The following SCD5 variants were observed in gnomAD, a reference collection of about 807,000 sequenced individuals.
SCD5 encodes the protein acyl-CoA-desaturase 4.
A neutral mutation model predicts 30.4 loss-of-function variants in SCD5; 20 were observed. The observed-to-expected ratio is 0.66, with a 90% CI of 0.46 to 0.96. SCD5 has a LOEUF of 0.96. Ranked by LOEUF, SCD5 falls within the 40% of genes least tolerant of loss-of-function variation. SCD5 has a pLI of 0.00. For missense variants in SCD5, 381 were observed against 443.3 expected (o/e 0.86, Z 1.26); for synonymous variants, 173 against 176.4 (o/e 0.98, Z 0.16).
At chr4:82,666,341 G>A (rs1159522495) in intron 3 of SCD5, among the ~76,000 whole-genome samples, 1 of 152,088 alleles carries the variant, frequency 6.6e-6, no homozygotes, top group Non-Finnish European at 1.5e-5. Context: ...CACTTTCCTT[G>A]AAAGTCTCTT....
chr4:82,761,829 C>T (rs1721377589), intron 1 of SCD5, among the ~76,000 whole-genome samples: 1 of 151,808 alleles, frequency 6.6e-6, no homozygotes, highest in African/African-American at 2.4e-5. Context: ...GAATATAGCC[C>T]CAGCCTCGTT....
chr4:82,663,107 TA>T (rs1728054855), intron 3 of SCD5, among the ~76,000 whole-genome samples: 1 of 152,122 alleles, frequency 6.6e-6, no homozygotes, highest in African/African-American at 2.4e-5. Context: ...TACACAACCA[TA>T]ACTTTTCTTT....
At chr4:82,649,474 C>T (rs1727700787) in intron 3 of SCD5, among the ~76,000 whole-genome samples, 1 of 152,116 alleles carries the variant, frequency 6.6e-6, no homozygotes, top group Non-Finnish European at 1.5e-5. Flanking sequence ...GTATGGGTAC[C>T]TCCCAGCAGC....
chr4:82,656,097 TTTATTA>T (rs918218134), intron 3 of SCD5, among the ~76,000 whole-genome samples: 3 of 151,694 alleles, frequency 2.0e-5, no homozygotes, highest in East Asian at 1.9e-4. Flanking sequence ...ACTTATATAT[TTTATTA>T]TTATTATTAT....
intron 1 of SCD5, among the ~76,000 whole-genome samples, chr4:82,760,792 T>A (rs151111665): frequency 1.3e-5 from 2 of 152,322 alleles, no homozygotes; most frequent in East Asian, 3.9e-4. Context: ...TACGCCACCT[T>A]GTATGGCAAT....
chr4:82,719,532 G>A lies in SCD5; in HGVS notation c.233-14119C>T, dbSNP rs549011791. 4.1e-5 allele frequency among the ~76,000 whole-genome samples: 6 copies of A among 147,824 alleles called. No individual in the cohort carries two copies. The East Asian group carries it at 7.8e-4, about 19-fold the overall frequency. ...TCTTTTTTTTTTTTTGAGACGGAGC[G>A]TCGCTCTGTCGCCCAGGCCGGAGTG... On this transcript the variant is annotated intron_variant, in intron 1 of 4. Coordinates refer to ENST00000319540, the MANE Select transcript of SCD5 (RefSeq NM_001037582.3).
intron 1 of SCD5, among the ~76,000 whole-genome samples, chr4:82,757,928 T>C (rs1037242409): frequency 6.6e-6 from 1 of 152,234 alleles, no homozygotes; most frequent in Non-Finnish European, 1.5e-5. Flanking sequence ...CATTAACGGC[T>C]ACGCCAAGAT....
intron 2 of SCD5, among the ~76,000 whole-genome samples, chr4:82,704,481 C>T (rs1369401789): frequency 1.3e-5 from 2 of 152,054 alleles, no homozygotes; most frequent in Non-Finnish European, 1.5e-5. Flanking sequence ...AGGAAAGTAC[C>T]CAAGGAGGTG....
At position 82,636,605 on chromosome 4, in the gene SCD5, G is replaced by A; in HGVS notation, c.788C>T (p.Ala263Val). 1.2e-6 allele frequency: 2 copies of A among 1,613,878 alleles called. No individual in the cohort carries two copies. The highest frequency in any genetic ancestry group is 1.7e-6 in the Non-Finnish European group (2 of 1,179,920). The change falls in exon 4 of 5, where the codon GCT becomes GTT. Residue 263 changes from alanine (A) to valine (V), a missense_variant. Transcript: ENST00000319540. The part of the protein sequence containing the change: ...HISPRQNPLV[A>V]LGAIGEGFHN... ...CCCCTACTCACCAATGGCACCCAGA[G>A]CGACGAGTGGGTTCTGCCGAGGGCT... is the stretch of plus-strand genomic sequence containing the variant.
intron 2 of SCD5, among the ~76,000 whole-genome samples, chr4:82,704,092 A>G (rs1719917632): frequency 6.6e-6 from 1 of 152,140 alleles, no homozygotes; most frequent in Admixed American, 6.5e-5. Flanking sequence ...TTCCTAATTG[A>G]CCTATTGTGT....
In SCD5 at chr4:82,798,625, C is replaced by T. The variant is rs1227040835; in HGVS notation, c.-88G>A. The T allele has an allele frequency of 2.5e-6, 3 of 1,176,520 alleles. No homozygotes were observed. Among genetic ancestry groups the T allele is most frequent in the South Asian group, 1.6e-5 (1 of 62,776 alleles). 72.9% of individuals were successfully genotyped at this position (1,176,520 alleles called of 1,614,324 possible). A position where few individuals can be genotyped will look rare whatever the true frequency, so the allele number is the denominator to read the frequency against. ...TCGAGGGTGGGGGCGGGGGCTTCTG[C>T]CTTTTAGGGGGGAATTCTCCGCACG... is the stretch of plus-strand genomic sequence containing the variant. On this transcript the variant is annotated 5_prime_UTR_variant, in exon 1 of 5. Transcript: ENST00000319540.
At position 82,720,441 on chromosome 4, in the gene SCD5, T is replaced by TACAAAA. The variant is rs778480466; in HGVS notation, c.233-15029_233-15028insTTTTGT. 8.2e-3 allele frequency among the ~76,000 whole-genome samples: 636 copies of TACAAAA among 77,796 alleles called. 58 individuals are homozygous for TACAAAA. The highest frequency in any genetic ancestry group is 0.025 in the African/African-American group (465 of 18,638). The allele number at this position is 77,796 out of a possible 152,430, so 51.0% of individuals were successfully genotyped here. A position where few individuals can be genotyped will look rare whatever the true frequency, so the allele number is the denominator to read the frequency against. ...GATGCTGTCTCAAAAAAGGCAAAAA[T>TACAAAA]AAAAAAAAAAAAAAAAAAAAAAGAC... On this transcript the variant is annotated intron_variant, in intron 1 of 4. Transcript: ENST00000319540.
chr4:82,701,895 C>A (rs1028210337), intron 2 of SCD5, among the ~76,000 whole-genome samples: 1 of 152,080 alleles, frequency 6.6e-6, no homozygotes, highest in African/African-American at 2.4e-5. Context: ...CCTGGCTCTT[C>A]CTTGTGAAAA....
At chr4:82,660,847 C>G in intron 3 of SCD5, 1 of 1,613,706 alleles carries the variant, frequency 6.2e-7, no homozygotes, top group African/African-American at 1.3e-5. Flanking sequence ...ATCACCAAGC[C>G]TCGCTGTTGT....
intron 1 of SCD5, among the ~76,000 whole-genome samples, chr4:82,782,143 C>T (rs1393790368): frequency 6.6e-6 from 1 of 150,762 alleles, no homozygotes; most frequent in Admixed American, 6.7e-5. Context: ...AATTTAGTCC[C>T]ATGAAGAACT....
chr4:82,727,835 G>A (rs1720539994), intron 1 of SCD5, among the ~76,000 whole-genome samples: 1 of 152,182 alleles, frequency 6.6e-6, no homozygotes, highest in East Asian at 1.9e-4. Context: ...AGCCTACCGA[G>A]TAGCTGGGAT....
At chr4:82,716,666 T>C (rs1720235609) in intron 1 of SCD5, among the ~76,000 whole-genome samples, 1 of 151,326 alleles carries the variant, frequency 6.6e-6, no homozygotes. Flanking sequence ...TTATGAAAAT[T>C]AGCCAGGCAT....
intron 3 of SCD5, among the ~76,000 whole-genome samples, chr4:82,679,570 C>T (rs1187781660): frequency 6.6e-6 from 1 of 152,134 alleles, no homozygotes; most frequent in East Asian, 1.9e-4. Flanking sequence ...TTCATAAAAG[C>T]TGTAGGAGAT....
At chr4:82,777,584 G>C (rs566130606) in intron 1 of SCD5, among the ~76,000 whole-genome samples, 1 of 152,158 alleles carries the variant, frequency 6.6e-6, no homozygotes, top group Non-Finnish European at 1.5e-5. Flanking sequence ...CCTCATGCGT[G>C]GTTAAATGCA....
Sources: gnomAD v4.1 joint callset for allele counts (sites outside exome capture counted in the v4.1 genomes callset) on GRCh38, gnomAD v4.1.1 for gene constraint, MANE v1.5 for transcripts, NCBI Gene and HGNC (gene_info 2026-07-23, HGNC 2026-07-21) for gene names.